Variants in MDGA2 observed in about 807,000 individuals in gnomAD.
MDGA2 encodes the protein MAM domain-containing glycosylphosphatidylinositol anchor protein 2.
Under a neutral mutation model 117.8 loss-of-function variants are expected in MDGA2, and 40 were observed. The ratio of observed to expected loss-of-function variants is 0.34; its 90% CI spans 0.26 to 0.44. The LOEUF is 0.44. Ranked by LOEUF, MDGA2 falls within the 20% of genes least tolerant of loss-of-function variation. The probability of loss-of-function intolerance (pLI) is 1.00; values close to 1 mark genes in which losing one functional copy is unlikely to be tolerated. For synonymous variants in MDGA2, 452 were observed against 439.0 expected (o/e 1.03, Z -0.37); for missense variants, 1,123 against 1,250.6 (o/e 0.90, Z 1.54).
chr14:47,143,436 T>A (rs1197477334), intron 4 of MDGA2, among the ~76,000 whole-genome samples: 1 of 152,198 alleles, frequency 6.6e-6, no homozygotes, highest in Non-Finnish European at 1.5e-5. Context: ...CCCACGAATT[T>A]CAATATCTTC....
chr14:47,418,367 C>T (rs557586885), intron 1 of MDGA2, among the ~76,000 whole-genome samples: 16 of 152,142 alleles, frequency 1.1e-4, no homozygotes, highest in South Asian at 2.1e-4. Context: ...ATTACAGGTG[C>T]GAGCCACCAC....
intron 1 of MDGA2, among the ~76,000 whole-genome samples, chr14:47,307,944 G>C (rs574868345): frequency 3.3e-5 from 5 of 152,244 alleles, no homozygotes; most frequent in Non-Finnish European, 7.4e-5. Context: ...AAGAGACTTA[G>C]TGCGATTATA....
At position 47,144,153 on chromosome 14, in the gene MDGA2, G is replaced by A. The variant is rs995801621; in HGVS notation, c.717C>T (p.Ser239=). 8 of 1,551,318 alleles carry A rather than the reference G, an allele frequency of 5.2e-6. No individual in the cohort carries two copies. The highest frequency in any genetic ancestry group is 4.4e-6 in the Non-Finnish European group (5 of 1,146,770). The change falls in exon 4 of 17, where the codon AGC becomes AGT. Residue 239 remains serine, a synonymous_variant. Transcript: ENST00000399232. Reference sequence around the variant, plus strand: ...GCAAGACCTCCTGGCCACGTCTCCAGCTATACCGAACAGGAGGATTGGAAT... The same window carrying A: ...GCAAGACCTCCTGGCCACGTCTCCAACTATACCGAACAGGAGGATTGGAAT... ...VANSNPPVRY[S]WRRGQEVLLQ...
At chr14:46,925,877 G>A (rs965289611) in intron 9 of MDGA2, among the ~76,000 whole-genome samples, 1 of 151,876 alleles carries the variant, frequency 6.6e-6, no homozygotes, top group Admixed American at 6.6e-5. Flanking sequence ...AAAAAGAGAA[G>A]AAATAAAGCA....
At chr14:47,131,197 G>A (rs1882188127) in intron 5 of MDGA2, among the ~76,000 whole-genome samples, 1 of 151,748 alleles carries the variant, frequency 6.6e-6, no homozygotes, top group South Asian at 2.1e-4. Context: ...CCGTTATTCT[G>A]GGGTCTATAT....
intron 1 of MDGA2, among the ~76,000 whole-genome samples, chr14:47,546,714 GT>G (rs753554197): frequency 3.3e-5 from 5 of 152,144 alleles, no homozygotes; most frequent in Non-Finnish European, 7.3e-5. Context: ...TCAAAGAAGG[GT>G]TGTGGGAGCT....
chr14:47,452,451 T>C (rs1205327051), intron 1 of MDGA2, among the ~76,000 whole-genome samples: 1 of 152,122 alleles, frequency 6.6e-6, no homozygotes, highest in African/African-American at 2.4e-5. Flanking sequence ...TCAACTTCTC[T>C]CTTAAATGGT....
intron 2 of MDGA2, among the ~76,000 whole-genome samples, chr14:47,233,631 G>C (rs530576044): frequency 6.6e-6 from 1 of 152,084 alleles, no homozygotes; most frequent in Non-Finnish European, 1.5e-5. Flanking sequence ...GGAATTACTG[G>C]TCCTAAAATT....
At chr14:47,624,362 G>A (rs530658866) in intron 1 of MDGA2, among the ~76,000 whole-genome samples, 1 of 152,170 alleles carries the variant, frequency 6.6e-6, no homozygotes, top group African/African-American at 2.4e-5. Context: ...GGAGGCTGAG[G>A]CAGGACAATC....
chr14:47,173,300 G>A (rs992468149), intron 3 of MDGA2, among the ~76,000 whole-genome samples: 64 of 152,068 alleles, frequency 4.2e-4, no homozygotes, highest in African/African-American at 1.0e-3. Context: ...TACAGAGAAC[G>A]CCACAAAGAT....
chr14:46,873,821 G>GA lies in MDGA2; in HGVS notation c.2593+223dup, dbSNP rs1303531103. The GA allele has an allele frequency of 1.6e-5, 9 of 571,434 alleles. No individual in the cohort carries two copies. The Admixed American group carries it at 2.8e-4, about 18-fold the overall frequency. The allele number at this position is 571,434 out of a possible 1,614,324, so 35.4% of individuals were successfully genotyped here. A position where few individuals can be genotyped will look rare whatever the true frequency, so the allele number is the denominator to read the frequency against. ...GTATAAAAAGTTGAAATTTAGACTT[G>GA]AATTATCAAAAAATTCCTATTCTCT... On this transcript the variant is annotated intron_variant, in intron 13 of 16. Transcript: ENST00000399232.
At chr14:47,027,287 T>A (rs975781005) in intron 8 of MDGA2, among the ~76,000 whole-genome samples, 2 of 152,152 alleles carry the variant, frequency 1.3e-5, no homozygotes, top group Non-Finnish European at 2.9e-5. Flanking sequence ...TATTATCCAG[T>A]TGAATTCATT....
chr14:47,341,826 G>GA (rs1890632808), intron 1 of MDGA2, among the ~76,000 whole-genome samples: 1 of 152,014 alleles, frequency 6.6e-6, no homozygotes, highest in Non-Finnish European at 1.5e-5. Flanking sequence ...CCTAGAACCT[G>GA]AACCTGGCTT....
intron 1 of MDGA2, among the ~76,000 whole-genome samples, chr14:47,464,328 T>G (rs1270221782): frequency 6.6e-6 from 1 of 151,980 alleles, no homozygotes; most frequent in Non-Finnish European, 1.5e-5. Context: ...TTAAGGGAAA[T>G]CCTAACTAAA....
chr14:47,512,042 T>C (rs1397253950), intron 1 of MDGA2, among the ~76,000 whole-genome samples: 2 of 152,142 alleles, frequency 1.3e-5, no homozygotes. Context: ...TTTGGTTCAG[T>C]AAAGTCTTTG....
intron 1 of MDGA2, among the ~76,000 whole-genome samples, chr14:47,359,361 ACAAACAAG>A (rs890164349): frequency 2.0e-5 from 3 of 152,098 alleles, no homozygotes; most frequent in African/African-American, 4.8e-5. Flanking sequence ...TCAAAAACAA[ACAAACAAG>A]CAAACAAACA....
chr14:47,205,992 C>T (rs1885668490), intron 3 of MDGA2, among the ~76,000 whole-genome samples: 1 of 151,952 alleles, frequency 6.6e-6, no homozygotes, highest in South Asian at 2.1e-4. Context: ...ATTTTACTCC[C>T]ACAAAGGGCA....
chr14:47,236,840 A>G (rs757487467), intron 2 of MDGA2, among the ~76,000 whole-genome samples: 2 of 152,210 alleles, frequency 1.3e-5, no homozygotes, highest in Non-Finnish European at 2.9e-5. Context: ...GCCATAAACT[A>G]TAAAGAAAAG....
intron 10 of MDGA2, among the ~76,000 whole-genome samples, chr14:46,894,426 T>TC (rs1446375759): frequency 2.0e-5 from 3 of 151,908 alleles, no homozygotes; most frequent in Admixed American, 6.5e-5. Flanking sequence ...AATTTTTTTT[T>TC]CACCATTGGG....
Sources: gnomAD v4.1 joint callset for allele counts (sites outside exome capture counted in the v4.1 genomes callset) on GRCh38, gnomAD v4.1.1 for gene constraint, MANE v1.5 for transcripts, NCBI Gene and HGNC (gene_info 2026-07-23, HGNC 2026-07-21) for gene names.